Variants in FNBP1L observed in about 807,000 individuals in gnomAD.
FNBP1L encodes the protein formin-binding protein 1-like.
FNBP1L carries 36 observed loss-of-function variants against 91.2 expected under a neutral mutation model. That is an observed-to-expected ratio of 0.39 (90% CI 0.30 to 0.52). The LOEUF is 0.52. Ranked by LOEUF, FNBP1L falls within the 20% of genes least tolerant of loss-of-function variation. FNBP1L has a pLI of 0.66. For missense variants in FNBP1L, 571 were observed against 732.1 expected, an observed-to-expected ratio of 0.78 and a Z score of 2.54; for synonymous variants, 242 against 237.0, an observed-to-expected ratio of 1.02 and a Z score of -0.19.
rs753125613 is a variant in FNBP1L at position 93,534,875 on chromosome 1, G to A, written c.957G>A (p.Lys319=). The A allele has an allele frequency of 2.5e-6, 4 of 1,576,418 alleles. No homozygotes were observed. Among genetic ancestry groups the A allele is most frequent in the Non-Finnish European group, 3.4e-6 (4 of 1,159,938 alleles). ...MDAKTTVGKA[K]GKLWLFGKKP... is the part of the protein sequence containing the mutation. ...CCAAAACCACAGTAGGAAAGGCCAA[G>A]GGCAAATTGTGGCTCTTTGGAAAGA... The change falls in exon 9 of 17, where the codon AAG becomes AAA. Residue 319 remains lysine, a synonymous_variant. Transcript: ENST00000271234.
At chr1:93,463,061 T>A (rs1305605009) in intron 1 of FNBP1L, among the ~76,000 whole-genome samples, 2 of 152,198 alleles carry the variant, frequency 1.3e-5, no homozygotes, top group Admixed American at 6.6e-5. Flanking sequence ...CAAGACTACT[T>A]CATTAGTTTT....
intron 7 of FNBP1L, 53 bp from the exon 8 acceptor site, chr1:93,532,869 A>T (rs974785994): frequency 3.5e-6 from 5 of 1,426,854 alleles, no homozygotes; most frequent in Non-Finnish European, 4.8e-6. Context: ...GAACTCCTTT[A>T]GAATGATTGA....
intron 3 of FNBP1L, among the ~76,000 whole-genome samples, chr1:93,522,597 A>G (rs994267474): frequency 3.9e-5 from 6 of 152,148 alleles, no homozygotes; most frequent in African/African-American, 1.2e-4. Flanking sequence ...TTAAAGAGGA[A>G]TATGTGGATG....
intron 15 of FNBP1L, among the ~76,000 whole-genome samples, chr1:93,549,718 CAT>C (rs1354583089): frequency 6.6e-6 from 1 of 152,200 alleles, no homozygotes; most frequent in Non-Finnish European, 1.5e-5. Flanking sequence ...TTACTGTGCA[CAT>C]GTCCTAAACA....
At position 93,534,849 on chromosome 1, in the gene FNBP1L, G is replaced by A. The variant is rs1417796229; in HGVS notation, c.931G>A (p.Ala311Thr). The A allele has an allele frequency of 1.3e-6, 2 of 1,580,358 alleles. No homozygotes were observed. Among genetic ancestry groups the A allele is most frequent in the Non-Finnish European group, 1.7e-6 (2 of 1,161,906 alleles). The stretch of plus-strand genomic sequence containing the variant: ...CAAACAGGAGAGTGGGAAGATGGAT[G>A]CCAAAACCACAGTAGGAAAGGCCAA... ...ASKQESGKMD[A>T]KTTVGKAKGK... The change falls in exon 9 of 17, where the codon GCC (alanine) becomes ACC (threonine). Residue 311 changes from alanine to threonine, a missense_variant. By Grantham distance (58) the Ala-to-Thr change is moderately conservative. Around this residue, in one of 5 missense-constraint regions of FNBP1L, gnomAD observed 150 missense variants for 155.9 expected, o/e 0.96. Coordinates refer to ENST00000271234, the MANE Select transcript of FNBP1L (RefSeq NM_001164473.3).
intron 16 of FNBP1L, chr1:93,551,855 G>A (rs1395484960): frequency 2.0e-6 from 2 of 985,128 alleles, no homozygotes; most frequent in Non-Finnish European, 1.2e-6. Context: ...TCATACTTTT[G>A]TATGTTTCAT....
chr1:93,550,980 G>C lies in FNBP1L; in HGVS notation c.1685G>C (p.Gly562Ala), dbSNP rs781527954. The C allele has an allele frequency of 1.2e-6, 2 of 1,605,616 alleles. No homozygotes were observed. Among genetic ancestry groups the C allele is most frequent in the East Asian group, 2.2e-5 (1 of 44,792 alleles). ...HNEGTLAMKE[G>A]EVLYIIEEDK... ...GAAGGTACTCTAGCAATGAAAGAAGGTGAAGTTCTCTACATTATAGAGGAG... is the reference window on the plus strand; with the variant it reads ...GAAGGTACTCTAGCAATGAAAGAAGCTGAAGTTCTCTACATTATAGAGGAG... The change falls in exon 16 of 17, where the codon GGT becomes GCT. Residue 562 changes from glycine to alanine, a missense_variant. Coordinates refer to ENST00000271234, the MANE Select transcript of FNBP1L (RefSeq NM_001164473.3).
intron 1 of FNBP1L, among the ~76,000 whole-genome samples, chr1:93,454,128 T>A (rs2101681523): frequency 6.6e-6 from 1 of 152,364 alleles, no homozygotes; most frequent in Non-Finnish European, 1.5e-5. Flanking sequence ...GATTCATTGC[T>A]GTATCCTGCC....
At chr1:93,528,633 A>G (rs569974320) in intron 5 of FNBP1L, among the ~76,000 whole-genome samples, 122 of 152,258 alleles carry the variant, frequency 8.0e-4, no homozygotes, top group African/African-American at 2.8e-3. Context: ...CCAAACAAAG[A>G]TGGAGGTGAA....
intron 2 of FNBP1L, among the ~76,000 whole-genome samples, chr1:93,512,169 CAAA>C (rs1670879269): frequency 6.6e-6 from 1 of 151,902 alleles, no homozygotes; most frequent in Non-Finnish European, 1.5e-5. Context: ...TCAAAAGAGA[CAAA>C]GAAGGCCATT....
intron 3 of FNBP1L, among the ~76,000 whole-genome samples, chr1:93,522,660 A>G (rs544751874): frequency 2.0e-5 from 3 of 152,294 alleles, no homozygotes; most frequent in African/African-American, 7.2e-5. Flanking sequence ...ACAACTCTGT[A>G]TATAATTGTC....
chr1:93,474,119 C>T (rs948635827), intron 1 of FNBP1L, among the ~76,000 whole-genome samples: 2 of 152,164 alleles, frequency 1.3e-5, no homozygotes, highest in Admixed American at 1.3e-4. Flanking sequence ...TGGTGCATGC[C>T]TGTAATTCTA....
At chr1:93,496,765 G>A (rs113939111) in intron 1 of FNBP1L, among the ~76,000 whole-genome samples, 1,634 of 152,088 alleles carry the variant, frequency 0.011, 31 homozygotes, top group African/African-American at 0.027. Flanking sequence ...TCCTGGCCTC[G>A]AATGAGTCTC....
chr1:93,473,655 T>G (rs1426137751), intron 1 of FNBP1L, among the ~76,000 whole-genome samples: 2 of 152,228 alleles, frequency 1.3e-5, no homozygotes, highest in Non-Finnish European at 2.9e-5. Flanking sequence ...TAACTTGAGC[T>G]TAACGTGTAT....
At position 93,448,150 on chromosome 1, in the gene FNBP1L, G is replaced by A. The variant is rs371007462; in HGVS notation, c.-132G>A. 8.6e-7 allele frequency: 1 copy of A among 1,162,286 alleles called. No individual in the cohort carries two copies. The highest frequency in any genetic ancestry group is 1.5e-5 in the South Asian group (1 of 68,380). 72.0% of individuals were successfully genotyped at this position (1,162,286 alleles called of 1,614,324 possible). A position where few individuals can be genotyped will look rare whatever the true frequency, so the allele number is the denominator to read the frequency against. ...TCTTTCTCACTCACTGGGGAGCCCGGCGGTGGCGGCACCTTTCGAGGTAGA... is the reference window on the plus strand; with the variant it reads ...TCTTTCTCACTCACTGGGGAGCCCGACGGTGGCGGCACCTTTCGAGGTAGA... On this transcript the variant is annotated 5_prime_UTR_variant, in exon 1 of 17. Transcript: ENST00000271234.
intron 1 of FNBP1L, among the ~76,000 whole-genome samples, chr1:93,456,202 TTATG>T (rs1482178530): frequency 3.3e-5 from 5 of 152,214 alleles, no homozygotes; most frequent in Non-Finnish European, 7.3e-5. Context: ...GGATAAAAGT[TTATG>T]TAAAGTGTCC....
chr1:93,522,444 G>A (rs189197435), intron 3 of FNBP1L, among the ~76,000 whole-genome samples: 28 of 152,142 alleles, frequency 1.8e-4, no homozygotes, highest in African/African-American at 6.5e-4. Context: ...GTAGTTGTTG[G>A]CTTCGTAGAT....
At chr1:93,537,743 C>T (rs987739409) in intron 10 of FNBP1L, among the ~76,000 whole-genome samples, 2 of 152,184 alleles carry the variant, frequency 1.3e-5, no homozygotes, top group African/African-American at 4.8e-5. Context: ...AAGCTCTGAA[C>T]ACTTGTTTGA....
chr1:93,481,809 AAAAG>A (rs1336461414), intron 1 of FNBP1L, among the ~76,000 whole-genome samples: 1 of 152,158 alleles, frequency 6.6e-6, no homozygotes, highest in Admixed American at 6.5e-5. Context: ...AATTGGGAAA[AAAAG>A]GAAAGTGTTG....
Sources: allele counts gnomAD v4.1 joint callset (sites outside exome capture counted in the v4.1 genomes callset), GRCh38; gene constraint gnomAD v4.1.1; regional missense constraint gnomAD v4.1.1; transcripts MANE v1.5; gene names NCBI Gene and HGNC (gene_info 2026-07-23, HGNC 2026-07-21).